The following CALHM6 variants were observed in gnomAD, a reference collection of about 807,000 sequenced individuals.
CALHM6 encodes the protein calcium homeostasis modulator family member 6, also known as calcium homeostasis modulator protein 6.
Under a neutral mutation model 12.7 loss-of-function variants are expected in CALHM6, and 15 were observed. The ratio of observed to expected loss-of-function variants is 1.18; its 90% CI spans 0.79 to 1.82. The LOEUF (loss-of-function observed/expected upper bound fraction) is 1.82, where lower values mean the gene tolerates loss of function less well. Among genes scored for constraint, CALHM6 ranks in the 40% most tolerant of loss-of-function variants. The pLI is 0.00. For synonymous variants in CALHM6, 212 were observed against 193.7 expected, an observed-to-expected ratio of 1.09 and a Z score of -0.78; for missense variants, 434 against 421.0, an observed-to-expected ratio of 1.03 and a Z score of -0.27.
chr6:116,461,790 T>C (rs1046514671), intron 1 of CALHM6, 82 bp from the exon 2 acceptor site: 6 of 680,798 alleles, frequency 8.8e-6, no homozygotes, highest in African/African-American at 6.4e-5. Context: ...CCCTCTTCCC[T>C]TTAAAAAAAA....
rs1239868886 is a variant in CALHM6 at position 116,461,901 on chromosome 6, T to C, written c.-29T>C. 4 of 1,477,292 alleles carry C rather than the reference T, an allele frequency of 2.7e-6. No homozygotes were observed. The highest frequency in any genetic ancestry group is 2.6e-5 in the East Asian group (1 of 38,352). 91.5% of individuals were successfully genotyped at this position (1,477,292 alleles called of 1,614,324 possible). ...ACGAAGAGGCAGAAGGATCTGGGCC[T>C]GTGCGCGACGCCCCGGGGGACGAGG... On this transcript the variant is annotated 5_prime_UTR_variant, in exon 2 of 3. Transcript: ENST00000368605.
At chr6:116,461,564 C>T (rs1784769607) in intron 1 of CALHM6, 135 bp downstream of exon 1, 2 of 847,788 alleles carry the variant, frequency 2.4e-6, no homozygotes, top group Admixed American at 2.2e-5. Flanking sequence ...AGGTTAGTTT[C>T]CTGGTTCGTT....
chr6:116,462,362 A>G lies in CALHM6; in HGVS notation c.433A>G (p.Ser145Gly). 4 of 1,452,532 alleles carry G rather than the reference A, an allele frequency of 2.8e-6. No homozygotes were observed. The highest frequency in any genetic ancestry group is 2.4e-4 in the Middle Eastern group (1 of 4,120). 90.0% of individuals were successfully genotyped at this position (1,452,532 alleles called of 1,614,324 possible). Reference protein sequence around the residue: ...AQRLCLGRNRSCAAELPLVPC... With the variant: ...AQRLCLGRNRGCAAELPLVPC... Reference sequence around the variant, plus strand: ...GCGCCTGTGCCTCGGCCGCAACCGCAGCTGCGCCGCGGAGCTGCCGCTGGT... The same window carrying G: ...GCGCCTGTGCCTCGGCCGCAACCGCGGCTGCGCCGCGGAGCTGCCGCTGGT... The change falls in exon 2 of 3, where the codon AGC becomes GGC. Residue 145 changes from serine to glycine, a missense_variant. Ser to Gly is a moderately conservative substitution (Grantham distance 56). Transcript: ENST00000368605.
Position 116,462,643 on chromosome 6 carries a change from A to G in CALHM6, c.525+189A>G, listed in dbSNP as rs2115129503. Reference sequence around the variant, plus strand: ...AATAAAACGAATGAAAAGGAGAAAAACGCATTCCCGTAGTATCTGGCACTG... The same window carrying G: ...AATAAAACGAATGAAAAGGAGAAAAGCGCATTCCCGTAGTATCTGGCACTG... On this transcript the variant is annotated intron_variant, in intron 2 of 2. Transcript: ENST00000368605. The G allele has an allele frequency of 6.1e-6, 3 of 489,490 alleles. No individual in the cohort carries two copies. In the South Asian group the frequency reaches 9.5e-5, roughly 16 times the overall value. 30.3% of individuals were successfully genotyped at this position (489,490 alleles called of 1,614,324 possible).
chr6:116,462,832 A>G (rs1006437660), intron 2 of CALHM6, among the ~76,000 whole-genome samples: 1 of 152,098 alleles, frequency 6.6e-6, no homozygotes, highest in Admixed American at 6.5e-5. Flanking sequence ...TATCTCCCCT[A>G]TATAGTGACT....
Position 116,462,254 on chromosome 6 carries a change from G to C in CALHM6, c.325G>C (p.Ala109Pro). ...GCAAATCAGCGCGGCCGCCGCGCTC[G>C]CGCCCCTCACCTGGGTGGCCGTGGC... Reference protein sequence around the residue: ...CTQISAAAALAPLTWVAVALL... With the variant: ...CTQISAAAALPPLTWVAVALL... Residue 109 changes from alanine to proline, a missense_variant, in exon 2 of 3, where the codon GCG becomes CCG. Transcript: ENST00000368605. The C allele has an allele frequency of 1.5e-6, 2 of 1,374,036 alleles. No homozygotes were observed. Among genetic ancestry groups the C allele is most frequent in the Non-Finnish European group, 1.9e-6 (2 of 1,070,260 alleles). 85.1% of individuals were successfully genotyped at this position (1,374,036 alleles called of 1,614,324 possible). A position where few individuals can be genotyped will look rare whatever the true frequency, so the allele number is the denominator to read the frequency against.
chr6:116,461,847 C>T, intron 1 of CALHM6, 25 bp from the exon 2 acceptor site: 7 of 1,379,744 alleles, frequency 5.1e-6, no homozygotes, highest in Middle Eastern at 2.4e-4. Context: ...CGGTCCCCAT[C>T]CCACCAAAAC....
chr6:116,463,602 GA>G lies in CALHM6; in HGVS notation c.849del (p.Glu284ArgfsTer14). 3.7e-6 allele frequency: 6 copies of G among 1,614,106 alleles called. No individual in the cohort carries two copies. The highest frequency in any genetic ancestry group is 5.1e-6 in the Non-Finnish European group (6 of 1,179,988). On this transcript the variant is annotated frameshift_variant, in exon 3 of 3. Coordinates refer to ENST00000368605, the MANE Select transcript of CALHM6 (RefSeq NM_001010919.3). LOFTEE classifies it low-confidence loss of function (END_TRUNC). ...YYSMLHKYVNRKEKTHSIRST... is the reference protein window; with the variant it reads ...YYSMLHKYVNXKEKTHSIRST... ...AGCATGTTGCACAAATATGTCAACA[GA>G]AAAGAGAAGACTCACAGTATCAGGT...
In CALHM6 at chr6:116,463,754, A is replaced by G; in HGVS notation, c.*49A>G. 1 of 1,396,166 alleles carries G rather than the reference A, an allele frequency of 7.2e-7. No individual in the cohort carries two copies. Among genetic ancestry groups the G allele is most frequent in the Non-Finnish European group, 9.6e-7 (1 of 1,044,398 alleles). 86.5% of individuals were successfully genotyped at this position (1,396,166 alleles called of 1,614,324 possible). A position where few individuals can be genotyped will look rare whatever the true frequency, so the allele number is the denominator to read the frequency against. ...AATTGTTTTGAATTATTGCTTTATT[A>G]AAAAATAAACATTGGTATTTTTTGA... On this transcript the variant is annotated 3_prime_UTR_variant, in exon 3 of 3. Coordinates refer to ENST00000368605, the MANE Select transcript of CALHM6 (RefSeq NM_001010919.3).
chr6:116,463,412 C>T lies in CALHM6; in HGVS notation c.655C>T (p.Gln219Ter). The T allele has an allele frequency of 6.2e-7, 1 of 1,614,112 alleles. No homozygotes were observed. Among genetic ancestry groups the T allele is most frequent in the African/African-American group, 1.3e-5 (1 of 75,024 alleles). Residue 219 changes from glutamine to a stop codon, truncating the protein, a stop_gained, in exon 3 of 3, where the codon CAG (glutamine) becomes TAG (stop). Transcript: ENST00000368605. LOFTEE classifies it low-confidence loss of function (END_TRUNC). ...GAAAATCTATTTGGAACAGGAGCAG[C>T]AGATCCTTAAAAGTAAAGCCACAGA... ...FWKIYLEQEQQILKSKATEHA... is the reference protein window; with the variant it reads ...FWKIYLEQEQ
chr6:116,462,338 C>A lies in CALHM6; in HGVS notation c.409C>A (p.Arg137Ser). The change falls in exon 2 of 3, where the codon CGC becomes AGC. Residue 137 changes from arginine (R) to serine (S), a missense_variant. Coordinates refer to ENST00000368605, the MANE Select transcript of CALHM6 (RefSeq NM_001010919.3). Reference protein sequence around the residue: ...AATGSAAFAQRLCLGRNRSCA... With the variant: ...AATGSAAFAQSLCLGRNRSCA... ...CACCGGGAGCGCGGCCTTCGCGCAG[C>A]GCCTGTGCCTCGGCCGCAACCGCAG... The A allele has an allele frequency of 6.9e-7, 1 of 1,447,664 alleles. No homozygotes were observed. The allele number at this position is 1,447,664 out of a possible 1,614,324, so 89.7% of individuals were successfully genotyped here. A position where few individuals can be genotyped will look rare whatever the true frequency, so the allele number is the denominator to read the frequency against.
At chr6:116,463,253 T>C in intron 2 of CALHM6, 30 bp from the exon 3 acceptor site, 1 of 1,552,648 alleles carries the variant, frequency 6.4e-7, no homozygotes, top group South Asian at 1.2e-5. Flanking sequence ...ACCAAGTAAC[T>C]AAATTACTAT....
intron 1 of CALHM6, 46 bp from the exon 2 acceptor site, chr6:116,461,826 G>T: frequency 2.1e-5 from 25 of 1,184,214 alleles, no homozygotes; most frequent in Non-Finnish European, 2.8e-5. Context: ...TTCTCGCAGA[G>T]TGGAAAGCCC....
At position 116,461,416 on chromosome 6, in the gene CALHM6, GAAT is replaced by G. The variant is rs1383932073; in HGVS notation, c.-68_-66del. ...GAAGAGGAACCAGAAATTTGTCCTT[GAAT>G]AATGTTTCCCGTAAGTAATCAGTTT... On this transcript the variant is annotated 5_prime_UTR_variant, in exon 1 of 3. In the 5' UTR this introduces an upstream ATG that the reference lacks. Coordinates refer to ENST00000368605, the MANE Select transcript of CALHM6 (RefSeq NM_001010919.3). 1.9e-6 allele frequency: 3 copies of G among 1,550,344 alleles called. No homozygotes were observed. Among genetic ancestry groups the G allele is most frequent in the Middle Eastern group, 1.7e-4 (1 of 6,012 alleles).
At chr6:116,462,561 C>G (rs1033875095) in intron 2 of CALHM6, 107 bp downstream of exon 2, 9 of 673,726 alleles carry the variant, frequency 1.3e-5, no homozygotes, top group Non-Finnish European at 2.1e-5. Context: ...ATATACAGTA[C>G]CCTAAGAAAA....
At chr6:116,462,535 G>A in intron 2 of CALHM6, 81 bp downstream of exon 2, 2 of 1,058,418 alleles carry the variant, frequency 1.9e-6, no homozygotes, top group Non-Finnish European at 2.6e-6. Flanking sequence ...GGGAAAAATC[G>A]GTGACTTTTC....
chr6:116,461,588 T>C (rs1784770078), intron 1 of CALHM6, among the ~76,000 whole-genome samples, 159 bp downstream of exon 1: 1 of 151,994 alleles, frequency 6.6e-6, no homozygotes, highest in Non-Finnish European at 1.5e-5. Flanking sequence ...AGATTGGTGG[T>C]AATAAAGGAA....
Position 116,461,384 on chromosome 6 carries a change from G to C in CALHM6, c.-104G>C. Reference sequence around the variant, plus strand: ...ACTTGAGCTGGACTTTGCTGATTTAGCTTATGGAAGAGGAACCAGAAATTT... The same window carrying C: ...ACTTGAGCTGGACTTTGCTGATTTACCTTATGGAAGAGGAACCAGAAATTT... On this transcript the variant is annotated 5_prime_UTR_variant, in exon 1 of 3. Coordinates refer to ENST00000368605, the MANE Select transcript of CALHM6 (RefSeq NM_001010919.3). 1 of 1,549,410 alleles carries C rather than the reference G, an allele frequency of 6.5e-7. No individual in the cohort carries two copies. Among genetic ancestry groups the C allele is most frequent in the Non-Finnish European group, 8.7e-7 (1 of 1,145,928 alleles).
chr6:116,461,494 C>A, intron 1 of CALHM6, 65 bp downstream of exon 1: 1 of 1,450,036 alleles, frequency 6.9e-7, no homozygotes, highest in Non-Finnish European at 9.5e-7. Context: ...ACTAGGGTGG[C>A]TGCAATAGAG....
Sources: gnomAD v4.1 joint callset for allele counts (sites outside exome capture counted in the v4.1 genomes callset) on GRCh38, gnomAD v4.1.1 for gene constraint, MANE v1.5 for transcripts, NCBI Gene and HGNC (gene_info 2026-07-23, HGNC 2026-07-21) for gene names.